Variants in CENPP observed in about 807,000 individuals in gnomAD.
The protein encoded by CENPP is centromere protein P.
A neutral mutation model predicts 35.6 loss-of-function variants in CENPP; 24 were observed. The observed-to-expected ratio is 0.67, with a 90% CI of 0.49 to 0.95. The LOEUF is 0.95. Among genes scored for constraint, CENPP ranks in the 40% least tolerant of loss-of-function variants. The pLI is 0.00. For synonymous variants in CENPP, 120 were observed against 125.5 expected (o/e 0.96, Z 0.29); for missense variants, 332 against 345.3 (o/e 0.96, Z 0.31).
intron 5 of CENPP, among the ~76,000 whole-genome samples, chr9:92,442,889 A>G (rs1400950005): frequency 6.6e-6 from 1 of 151,964 alleles, no homozygotes; most frequent in Admixed American, 6.6e-5. Context: ...ATACACCATT[A>G]TGATGAAAAT....
At chr9:92,490,215 A>T (rs1459867497) in intron 5 of CENPP, among the ~76,000 whole-genome samples, 2 of 152,208 alleles carry the variant, frequency 1.3e-5, no homozygotes, top group Non-Finnish European at 2.9e-5. Flanking sequence ...GTGCACGAAG[A>T]AACTAGAACT....
intron 5 of CENPP, chr9:92,509,906 A>G (rs144093801): frequency 5.6e-6 from 9 of 1,604,194 alleles, no homozygotes; most frequent in Non-Finnish European, 7.6e-6. Flanking sequence ...TACCTGATAA[A>G]CTTTCTTCAT....
intron 4 of CENPP, among the ~76,000 whole-genome samples, chr9:92,348,552 C>T (rs1841361850): frequency 6.6e-6 from 1 of 151,908 alleles, no homozygotes; most frequent in African/African-American, 2.4e-5. Flanking sequence ...ACCACCACAC[C>T]CGGCTAATTT....
At chr9:92,514,562 A>G in intron 5 of CENPP, 1 of 1,514,812 alleles carries the variant, frequency 6.6e-7, no homozygotes, top group Non-Finnish European at 8.8e-7. Context: ...GGCGTGAGCC[A>G]CCGTGCCCAG....
chr9:92,552,729 T>C (rs910586498), intron 5 of CENPP, among the ~76,000 whole-genome samples: 12 of 152,216 alleles, frequency 7.9e-5, no homozygotes, highest in African/African-American at 2.9e-4. Context: ...TCGTTGTAGA[T>C]TCTGGTTATT....
Position 92,613,671 on chromosome 9 carries a change from T to C in CENPP, c.*522T>C. ...ACCGTGAGGCAGTCTCAGCAAGTCC[T>C]CATGCTGTTCTTGGTCTTCCACAAG... On this transcript the variant is annotated 3_prime_UTR_variant, in exon 8 of 8. Coordinates refer to ENST00000375587, the MANE Select transcript of CENPP (RefSeq NM_001012267.3). 6.3e-6 allele frequency: 1 copy of C among 158,204 alleles called. No individual in the cohort carries two copies. The highest frequency in any genetic ancestry group is 1.4e-5 in the Non-Finnish European group (1 of 71,288). The allele number at this position is 158,204 out of a possible 1,614,324, so 9.8% of individuals were successfully genotyped here.
chr9:92,466,161 A>T (rs1845303525), intron 5 of CENPP, among the ~76,000 whole-genome samples: 1 of 152,162 alleles, frequency 6.6e-6, no homozygotes, highest in Non-Finnish European at 1.5e-5. Context: ...GGAGAGAGAG[A>T]CAGTATTACG....
intron 5 of CENPP, among the ~76,000 whole-genome samples, chr9:92,480,995 G>A (rs1845893104): frequency 6.6e-6 from 1 of 152,184 alleles, no homozygotes; most frequent in Non-Finnish European, 1.5e-5. Context: ...AGTATAACTA[G>A]CATTCTGACA....
intron 5 of CENPP, chr9:92,522,475 C>T (rs1379055229): frequency 3.4e-6 from 4 of 1,188,658 alleles, no homozygotes; most frequent in Non-Finnish European, 4.5e-6. Context: ...AAATTATCTT[C>T]ATGGAGATGT....
intron 4 of CENPP, among the ~76,000 whole-genome samples, chr9:92,352,503 G>GTATATATATATATATA (rs1554753073): frequency 2.9e-5 from 2 of 68,996 alleles, no homozygotes; most frequent in Non-Finnish European, 5.1e-5. Flanking sequence ...GTGTGTGTGT[G>GTATATATATATATATA]TGTATACATA....
intron 5 of CENPP, among the ~76,000 whole-genome samples, chr9:92,528,209 C>T (rs1028218290): frequency 1.3e-5 from 2 of 152,136 alleles, no homozygotes; most frequent in African/African-American, 4.8e-5. Context: ...AAACATTAAA[C>T]AAAGAGCAGT....
intron 5 of CENPP, among the ~76,000 whole-genome samples, chr9:92,568,812 G>C (rs1197605495): frequency 7.9e-5 from 12 of 152,184 alleles, no homozygotes; most frequent in Admixed American, 7.9e-4. Flanking sequence ...CTGTGGTTTT[G>C]ATTTGCATTT....
intron 5 of CENPP, chr9:92,600,588 G>A: frequency 1.9e-6 from 3 of 1,600,864 alleles, no homozygotes; most frequent in Non-Finnish European, 2.6e-6. Flanking sequence ...CGAGGGTTCT[G>A]GGGCATCAGT....
intron 5 of CENPP, among the ~76,000 whole-genome samples, chr9:92,436,239 T>C (rs1048950751): frequency 2.0e-5 from 3 of 152,236 alleles, no homozygotes; most frequent in African/African-American, 4.8e-5. Context: ...GTCCTTTGCC[T>C]ATTTTCCCAT....
intron 5 of CENPP, among the ~76,000 whole-genome samples, chr9:92,409,477 T>C (rs917306151): frequency 6.6e-6 from 1 of 152,248 alleles, no homozygotes; most frequent in East Asian, 1.9e-4. Context: ...TGCATACATC[T>C]GTATTTTACT....
At chr9:92,390,486 T>A (rs1842626459) in intron 5 of CENPP, among the ~76,000 whole-genome samples, 1 of 152,230 alleles carries the variant, frequency 6.6e-6, no homozygotes, top group Admixed American at 6.5e-5. Flanking sequence ...AATCTCTCTA[T>A]GCCTTATCGC....
intron 5 of CENPP, among the ~76,000 whole-genome samples, chr9:92,399,356 T>A (rs1843016866): frequency 6.6e-6 from 1 of 152,214 alleles, no homozygotes; most frequent in South Asian, 2.1e-4. Flanking sequence ...TTGTGAACTG[T>A]CATTTTTCCA....
Position 92,611,314 on chromosome 9 carries a change from G to A in CENPP, c.565G>A (p.Glu189Lys), listed in dbSNP as rs1564021199. The change falls in exon 6 of 8, where the codon GAA (glutamate) becomes AAA (lysine). Residue 189 changes from glutamate to lysine, a missense_variant and splice_region_variant. Coordinates refer to ENST00000375587, the MANE Select transcript of CENPP (RefSeq NM_001012267.3). ...CTACCCGTTTCTTCTCCCCATGCAG[G>A]AAAAGTACCCAGATGCCGTGTACCT... The part of the protein sequence containing the change: ...YRKRTFKHLK[E>K]KYPDAVYLSE... The A allele has an allele frequency of 6.2e-7, 1 of 1,613,488 alleles. No individual in the cohort carries two copies.
intron 5 of CENPP, among the ~76,000 whole-genome samples, chr9:92,508,852 A>G (rs958039713): frequency 2.0e-5 from 3 of 152,124 alleles, no homozygotes; most frequent in African/African-American, 7.2e-5. Flanking sequence ...TTAATAAATA[A>G]CATAATAAAT....
Sources: gnomAD v4.1 joint callset for allele counts (sites outside exome capture counted in the v4.1 genomes callset) on GRCh38, gnomAD v4.1.1 for gene constraint, MANE v1.5 for transcripts, NCBI Gene and HGNC (gene_info 2026-07-23, HGNC 2026-07-21) for gene names.